The following SFRP1 variants were observed in gnomAD, a reference collection of about 807,000 sequenced individuals.
The protein encoded by SFRP1 is secreted frizzled related protein 1.
SFRP1 carries 9 observed loss-of-function variants against 25.9 expected under a neutral mutation model. The observed-to-expected ratio is 0.35, with a 90% CI of 0.21 to 0.61. The LOEUF is 0.61. SFRP1 is among the 20% of genes least tolerant of loss of function. The pLI, the probability that SFRP1 is intolerant of heterozygous loss-of-function variation, is 0.78. For synonymous variants in SFRP1, 178 were observed against 174.0 expected (o/e 1.02, Z -0.18); for missense variants, 346 against 418.2 (o/e 0.83, Z 1.51).
Position 41,278,397 on chromosome 8 carries a change from G to A in SFRP1, c.623-12908C>T, listed in dbSNP as rs967326492. Among the ~76,000 whole-genome samples, 3 of 152,256 alleles carry A rather than the reference G, an allele frequency of 2.0e-5. No homozygotes were observed. In the South Asian group the frequency reaches 6.2e-4, roughly 32 times the overall value. On this transcript the variant is annotated intron_variant, in intron 2 of 2. Transcript: ENST00000220772. The stretch of plus-strand genomic sequence containing the variant: ...CACCATTAACCTTTAGCATAAACTT[G>A]GGTAAAATCATTTTACTTCTCTGGA...
At chr8:41,307,727 AT>A (rs1002614331) in intron 1 of SFRP1, among the ~76,000 whole-genome samples, 2 of 151,684 alleles carry the variant, frequency 1.3e-5, no homozygotes, top group South Asian at 2.1e-4. Flanking sequence ...ACTTCCCAGG[AT>A]TTTTTTTTCT....
chr8:41,297,136 T>C (rs770332627), intron 2 of SFRP1, among the ~76,000 whole-genome samples: 42 of 152,186 alleles, frequency 2.8e-4, no homozygotes, highest in Non-Finnish European at 4.9e-4. Context: ...CCTTGGCCTC[T>C]AGGTTCAAGT....
intron 2 of SFRP1, among the ~76,000 whole-genome samples, chr8:41,295,206 C>CA (rs1803828398): frequency 6.6e-6 from 1 of 151,994 alleles, no homozygotes; most frequent in Non-Finnish European, 1.5e-5. Flanking sequence ...ACTAAAAATA[C>CA]AAAAATTAGC....
chr8:41,305,125 G>C (rs1803976859), intron 1 of SFRP1, among the ~76,000 whole-genome samples: 1 of 152,208 alleles, frequency 6.6e-6, no homozygotes, highest in Non-Finnish European at 1.5e-5. Context: ...ACTTGCACAA[G>C]GAGAGTGAAC....
At chr8:41,300,151 C>G (rs941673133) in intron 2 of SFRP1, among the ~76,000 whole-genome samples, 7 of 152,198 alleles carry the variant, frequency 4.6e-5, no homozygotes, top group Non-Finnish European at 8.8e-5. Flanking sequence ...AAGTTGGAGG[C>G]AGAGTGAGAA....
At chr8:41,294,589 TG>T (rs1803817380) in intron 2 of SFRP1, among the ~76,000 whole-genome samples, 1 of 152,192 alleles carries the variant, frequency 6.6e-6, no homozygotes, top group Non-Finnish European at 1.5e-5. Flanking sequence ...AATTTGTAAA[TG>T]ATGTCCCTTA....
intron 1 of SFRP1, chr8:41,306,621 A>G: frequency 7.1e-7 from 1 of 1,408,282 alleles, no homozygotes; most frequent in Non-Finnish European, 9.6e-7. Context: ...CCCCCCACCA[A>G]AACCACTGAG....
At chr8:41,301,115 G>A (rs911685749) in intron 2 of SFRP1, among the ~76,000 whole-genome samples, 1 of 152,156 alleles carries the variant, frequency 6.6e-6, no homozygotes, top group Non-Finnish European at 1.5e-5. Context: ...GTGGCAGGGG[G>A]ACGAGGGTGC....
In SFRP1 at chr8:41,307,004, G is replaced by C. The variant is rs1804006754; in HGVS notation, c.544+1612C>G. ...CCACTCATGTCTGCAGACGGTCCCA[G>C]AAAGAGACCATCGGAAGCCATTGGG... On this transcript the variant is annotated intron_variant, in intron 1 of 2. Transcript: ENST00000220772. The C allele has an allele frequency of 5.7e-5, 83 of 1,451,682 alleles. No homozygotes were observed. In the South Asian group the frequency reaches 1.1e-3, roughly 20 times the overall value. The allele number at this position is 1,451,682 out of a possible 1,614,324, so 89.9% of individuals were successfully genotyped here. A position where few individuals can be genotyped will look rare whatever the true frequency, so the allele number is the denominator to read the frequency against.
chr8:41,265,122 T>TCCCCCCCCCC lies in SFRP1; in HGVS notation c.*44_*45insGGGGGGGGGG. The stretch of plus-strand genomic sequence containing the variant: ...GTTCCCGGGGCACTGTCCCCCCCGC[T>TCCCCCCCCCC]CCCACCCCACCCGAGGCTCCCTCCC... On this transcript the variant is annotated 3_prime_UTR_variant, in exon 3 of 3. Coordinates refer to ENST00000220772, the MANE Select transcript of SFRP1 (RefSeq NM_003012.5). 2.1e-5 allele frequency: 4 copies of TCCCCCCCCCC among 191,090 alleles called. No individual in the cohort carries two copies. Among genetic ancestry groups the TCCCCCCCCCC allele is most frequent in the Admixed American group, 7.5e-5 (1 of 13,416 alleles). 11.8% of individuals were successfully genotyped at this position (191,090 alleles called of 1,614,324 possible).
In SFRP1 at chr8:41,265,409, A is replaced by G. The variant is rs1019791512; in HGVS notation, c.703T>C (p.Leu235=). ...AGGTCCTTCTTCTTGATGGGCCCCA[A>G]CTTCAGGGGCTTCTTCTTCTTGGGG... is the stretch of plus-strand genomic sequence containing the variant. ...IVPKKKKPLK[L]GPIKKKDLKK... is the part of the protein sequence containing the mutation. The change falls in exon 3 of 3, where the codon TTG becomes CTG. Residue 235 remains leucine, a synonymous_variant. Transcript: ENST00000220772. The G allele has an allele frequency of 1.9e-6, 3 of 1,613,464 alleles. No individual in the cohort carries two copies. Among genetic ancestry groups the G allele is most frequent in the Admixed American group, 3.3e-5 (2 of 59,956 alleles).
In SFRP1 at chr8:41,263,195, T is replaced by G. The variant is rs1473069785; in HGVS notation, c.*1972A>C. The G allele has an allele frequency of 1.3e-5, 2 of 152,646 alleles. No homozygotes were observed. Among genetic ancestry groups the G allele is most frequent in the African/African-American group, 4.8e-5 (2 of 41,434 alleles). The allele number at this position is 152,646 out of a possible 1,614,324, so 9.5% of individuals were successfully genotyped here. A position where few individuals can be genotyped will look rare whatever the true frequency, so the allele number is the denominator to read the frequency against. On this transcript the variant is annotated 3_prime_UTR_variant, in exon 3 of 3. Coordinates refer to ENST00000220772, the MANE Select transcript of SFRP1 (RefSeq NM_003012.5). ...GAATCAACCAGAACTAAGACCCAGATCCACGCACTCAGGAACTTGCTCTGA... is the reference window on the plus strand; with the variant it reads ...GAATCAACCAGAACTAAGACCCAGAGCCACGCACTCAGGAACTTGCTCTGA...
At chr8:41,288,465 A>T (rs896732125) in intron 2 of SFRP1, among the ~76,000 whole-genome samples, 1 of 133,798 alleles carries the variant, frequency 7.5e-6, no homozygotes, top group African/African-American at 2.7e-5. Context: ...TGAGCCCAGG[A>T]GTTCGAGGCT....
chr8:41,296,826 C>T (rs1352267369), intron 2 of SFRP1, among the ~76,000 whole-genome samples: 1 of 152,162 alleles, frequency 6.6e-6, no homozygotes, highest in Non-Finnish European at 1.5e-5. Flanking sequence ...ATGAAAACTT[C>T]AGTGGTCCTA....
chr8:41,265,675 A>AT (rs1803426598), intron 2 of SFRP1, among the ~76,000 whole-genome samples, 186 bp from the exon 3 acceptor site: 1 of 152,002 alleles, frequency 6.6e-6, no homozygotes, highest in South Asian at 2.1e-4. Flanking sequence ...AGTTGGTTTC[A>AT]TGGGTATACT....
intron 1 of SFRP1, among the ~76,000 whole-genome samples, chr8:41,304,459 T>A (rs886977690): frequency 6.6e-6 from 1 of 152,078 alleles, no homozygotes; most frequent in East Asian, 1.9e-4. Context: ...GCTTATCGAC[T>A]GTCTAGGAAA....
rs755748856 is a variant in SFRP1 at position 41,285,089 on chromosome 8, T to TTG, written c.622+18370_622+18371dup. 5.3e-5 allele frequency among the ~76,000 whole-genome samples: 8 copies of TTG among 152,326 alleles called. No homozygotes were observed. The South Asian group carries it at 1.0e-3, about 20-fold the overall frequency. ...GGGTGAGATTTCCTCTAAAGAAAAA[T>TTG]TGTGCTTCGTGGCACATGAGTGTTT... On this transcript the variant is annotated intron_variant, in intron 2 of 2. Coordinates refer to ENST00000220772, the MANE Select transcript of SFRP1 (RefSeq NM_003012.5).
intron 2 of SFRP1, among the ~76,000 whole-genome samples, 187 bp downstream of exon 2, chr8:41,303,274 A>C (rs1329942880): frequency 6.6e-6 from 1 of 151,892 alleles, no homozygotes; most frequent in Non-Finnish European, 1.5e-5. Context: ...TATGGCCTTC[A>C]TCAAAACTGG....
At chr8:41,300,936 T>C (rs940379756) in intron 2 of SFRP1, among the ~76,000 whole-genome samples, 1 of 152,186 alleles carries the variant, frequency 6.6e-6, no homozygotes, top group African/African-American at 2.4e-5. Context: ...TGCTCATGTT[T>C]TTTTCCTGTT....
Sources: gnomAD v4.1 joint callset for allele counts (sites outside exome capture counted in the v4.1 genomes callset) on GRCh38, gnomAD v4.1.1 for gene constraint, MANE v1.5 for transcripts, NCBI Gene and HGNC (gene_info 2026-07-23, HGNC 2026-07-21) for gene names.